Variants in KLF13 observed in about 807,000 individuals in gnomAD.
KLF13 encodes the protein Krueppel-like factor 13.
A neutral mutation model predicts 16.7 loss-of-function variants in KLF13; 8 were observed. The ratio of observed to expected loss-of-function variants is 0.48; its 90% CI spans 0.28 to 0.87. KLF13 has a LOEUF of 0.87. Among genes scored for constraint, KLF13 ranks in the 40% least tolerant of loss-of-function variants. KLF13 has a pLI of 0.10. For synonymous variants in KLF13, 245 were observed against 208.4 expected, an observed-to-expected ratio of 1.18 and a Z score of -1.51; for missense variants, 447 against 452.2, an observed-to-expected ratio of 0.99 and a Z score of 0.10.
upstream of KLF13, among the ~76,000 whole-genome samples, chr15:31,389,939 ACTCATTTTG>A (rs1164965695): frequency 6.6e-6 from 1 of 152,122 alleles, no homozygotes; most frequent in African/African-American, 2.4e-5. Flanking sequence ...AATGGGGCGA[ACTCATTTTG>A]CCTTCCCTCA....
At chr15:31,350,640 GC>G (rs999619129) in intron 1 of KLF13, among the ~76,000 whole-genome samples, 3 of 152,236 alleles carry the variant, frequency 2.0e-5, no homozygotes, top group Admixed American at 2.0e-4. Flanking sequence ...GTGGTCTCTG[GC>G]CCAACTTCAC....
downstream of KLF13, among the ~76,000 whole-genome samples, chr15:31,405,160 A>T (rs117007700): frequency 0.015 from 2,283 of 151,872 alleles, 23 homozygotes; most frequent in Middle Eastern, 0.031. Context: ...AGTGCCTTAG[A>T]AAACAAGAGC....
chr15:31,396,120 G>T lies in KLF13; in HGVS notation n.529+2429G>T, dbSNP rs529461577. Among the ~76,000 whole-genome samples, 67 of 152,246 alleles carry T rather than the reference G, an allele frequency of 4.4e-4. 2 individuals are homozygous for T. The South Asian group carries it at 0.014, about 32-fold the overall frequency. On this transcript the variant is annotated intron_variant and non_coding_transcript_variant, in intron 2 of 2. Transcript: ENST00000500533. ...GGCTCAATGCAACCTCCGTCTCCTG[G>T]GTTCAAGAGATTCTCCTGCCTCAGC... is the stretch of plus-strand genomic sequence containing the variant.
Position 31,375,654 on chromosome 15 carries a change from A to G in KLF13, c.*3355A>G, listed in dbSNP as rs1292689661. On this transcript the variant is annotated 3_prime_UTR_variant, in exon 2 of 2. Coordinates refer to ENST00000307145, the MANE Select transcript of KLF13 (RefSeq NM_015995.4). Reference sequence around the variant, plus strand: ...GTCCCAGACAAGGAAGCCCCTCTTTACATCAGCCATATTAGGGGAACGGTT... The same window carrying G: ...GTCCCAGACAAGGAAGCCCCTCTTTGCATCAGCCATATTAGGGGAACGGTT... 1 of 152,112 alleles carries G rather than the reference A, an allele frequency of 6.6e-6. No homozygotes were observed. The highest frequency in any genetic ancestry group is 1.9e-4 in the East Asian group (1 of 5,188). 9.4% of individuals were successfully genotyped at this position (152,112 alleles called of 1,614,324 possible). A position where few individuals can be genotyped will look rare whatever the true frequency, so the allele number is the denominator to read the frequency against.
Position 31,428,641 on chromosome 15 carries a change from C to T in KLF13, n.118-6729C>T, listed in dbSNP as rs189213399. Among the ~76,000 whole-genome samples the T allele has an allele frequency of 1.6e-3, 239 of 151,806 alleles. 1 individual carries two copies. The highest frequency in any genetic ancestry group is 5.4e-3 in the African/African-American group (223 of 41,398). ...CTAACACGGTGAAACCCCGTCTCTA[C>T]TAAAAAATACAGAAAAATTAGCCAG... On this transcript the variant is annotated intron_variant and non_coding_transcript_variant, in intron 1 of 1. Coordinates refer to the KLF13 transcript ENST00000558225.
chr15:31,424,987 C>G (rs1394297377), intron 1 of KLF13, among the ~76,000 whole-genome samples: 1 of 150,544 alleles, frequency 6.6e-6, no homozygotes, highest in African/African-American at 2.5e-5. Context: ...ATTTCTATAT[C>G]TAACAATGAA....
rs1566848176 is a variant in KLF13, at chr15:31,423,118, TATAC to T, written n.118-12251_118-12248del. On this transcript the variant is annotated intron_variant and non_coding_transcript_variant, in intron 1 of 1. Coordinates refer to the KLF13 transcript ENST00000558225. ...ATATATACGTATACGTATACGTATATATACGTATATATACGTATACGTATACGTA... is the reference window on the plus strand; with the variant it reads ...ATATATACGTATACGTATACGTATATGTATATATACGTATACGTATACGTA... Among the ~76,000 whole-genome samples, 12 of 128,802 alleles carry T rather than the reference TATAC, an allele frequency of 9.3e-5. 4 individuals are homozygous for T. In the South Asian group the frequency reaches 1.1e-3, roughly 12 times the overall value. 84.5% of individuals were successfully genotyped at this position (128,802 alleles called of 152,430 possible).
At chr15:31,346,503 G>T (rs893065) in intron 1 of KLF13, among the ~76,000 whole-genome samples, 19,597 of 152,194 alleles carry the variant, frequency 0.13, 1,530 homozygotes, top group Admixed American at 0.18. Context: ...CCAGGCAGGA[G>T]CTCCTCCCCG....
chr15:31,432,101 T>TAAGGAGGAAGACTAGAGAGA (rs1276822341), intron 1 of KLF13, among the ~76,000 whole-genome samples: 7 of 152,128 alleles, frequency 4.6e-5, no homozygotes, highest in African/African-American at 1.7e-4. Context: ...TATTTCACAA[T>TAAGGAGGAAGACTAGAGAGA]AAGGAGGAAG....
chr15:31,368,808 C>T (rs775760400), intron 1 of KLF13, among the ~76,000 whole-genome samples: 2 of 151,922 alleles, frequency 1.3e-5, no homozygotes, highest in African/African-American at 2.4e-5. Context: ...CAGAGCAAGA[C>T]TCTATCTCAG....
At chr15:31,357,479 A>T (rs1357270210) in intron 1 of KLF13, among the ~76,000 whole-genome samples, 1 of 152,172 alleles carries the variant, frequency 6.6e-6, no homozygotes, top group Non-Finnish European at 1.5e-5. Context: ...TGGGTGGTCT[A>T]CTGGGCCATC....
At chr15:31,408,541 G>A (rs1250425610), downstream of KLF13, among the ~76,000 whole-genome samples, 1 of 152,184 alleles carries the variant, frequency 6.6e-6, no homozygotes, top group Non-Finnish European at 1.5e-5. Context: ...CCATTGCAAT[G>A]TTAAATCTCA....
At chr15:31,403,850 A>C (rs913936906) in exon 3 of KLF13, 37 of 152,220 alleles carry the variant, frequency 2.4e-4, no homozygotes, top group Admixed American at 2.2e-3. Flanking sequence ...ACAGCCAATT[A>C]TGTTTCTCAT....
At chr15:31,408,901 C>T (rs1235792709), downstream of KLF13, among the ~76,000 whole-genome samples, 1 of 152,076 alleles carries the variant, frequency 6.6e-6, no homozygotes, top group African/African-American at 2.4e-5. Context: ...CTTTGACTGG[C>T]TCATCAGTAG....
At chr15:31,429,844 C>T (rs985481543) in intron 1 of KLF13, among the ~76,000 whole-genome samples, 2 of 151,894 alleles carry the variant, frequency 1.3e-5, no homozygotes, top group African/African-American at 4.8e-5. Context: ...CACCATTCTC[C>T]GGCCTCAGCC....
At chr15:31,400,053 C>G (rs2140991017) in intron 2 of KLF13, among the ~76,000 whole-genome samples, 2 of 152,310 alleles carry the variant, frequency 1.3e-5, no homozygotes, top group South Asian at 2.1e-4. Context: ...CCACAGAGGC[C>G]ACAGCACATA....
upstream of KLF13, among the ~76,000 whole-genome samples, chr15:31,388,049 T>C (rs2039813191): frequency 6.6e-6 from 1 of 152,180 alleles, no homozygotes; most frequent in Non-Finnish European, 1.5e-5. Context: ...GTTTCATTGA[T>C]CTGAGACTAG....
intron 1 of KLF13, among the ~76,000 whole-genome samples, chr15:31,384,800 A>G (rs1196548814): frequency 6.6e-6 from 1 of 152,202 alleles, no homozygotes; most frequent in Non-Finnish European, 1.5e-5. Flanking sequence ...AAAGTCACCC[A>G]AAAACCATGC....
chr15:31,327,306 G>C lies in KLF13; in HGVS notation c.94G>C (p.Glu32Gln), dbSNP rs2038728226. 2 of 1,301,630 alleles carry C rather than the reference G, an allele frequency of 1.5e-6. No individual in the cohort carries two copies. Among genetic ancestry groups the C allele is most frequent in the Non-Finnish European group, 1.9e-6 (2 of 1,028,814 alleles). The allele number at this position is 1,301,630 out of a possible 1,614,324, so 80.6% of individuals were successfully genotyped here. A position where few individuals can be genotyped will look rare whatever the true frequency, so the allele number is the denominator to read the frequency against. The part of the protein sequence containing the change: ...AVVHGPREGP[E>Q]SRPEGAAVAA... Reference sequence around the variant, plus strand: ...CGTGCACGGGCCGCGGGAGGGGCCGGAGTCCCGGCCCGAGGGCGCGGCCGT... The same window carrying C: ...CGTGCACGGGCCGCGGGAGGGGCCGCAGTCCCGGCCCGAGGGCGCGGCCGT... Residue 32 changes from glutamate (E) to glutamine (Q), a missense_variant, in exon 1 of 2, where the codon GAG (glutamate) becomes CAG (glutamine). Physicochemically the swap from Glu to Gln is conservative, Grantham distance 29. Around this residue, in one of 2 missense-constraint regions of KLF13, gnomAD observed 359 missense variants for 282.8 expected, o/e 1.27. Coordinates refer to ENST00000307145, the MANE Select transcript of KLF13 (RefSeq NM_015995.4).
Sources: gnomAD v4.1 joint callset for allele counts (sites outside exome capture counted in the v4.1 genomes callset) on GRCh38, gnomAD v4.1.1 for gene constraint, gnomAD v4.1.1 regional missense constraint, MANE v1.5 for transcripts, NCBI Gene and HGNC (gene_info 2026-07-23, HGNC 2026-07-21) for gene names.